Variants in HLA-E observed in about 807,000 individuals in gnomAD.
The protein encoded by HLA-E is HLA class I histocompatibility antigen, alpha chain E.
HLA-E carries 25 observed loss-of-function variants against 43.4 expected under a neutral mutation model. The ratio of observed to expected loss-of-function variants is 0.58; its 90% CI spans 0.42 to 0.80. The LOEUF is 0.80. Among genes scored for constraint, HLA-E ranks in the 30% least tolerant of loss-of-function variants. The pLI is 0.00. For missense variants in HLA-E, 343 were observed against 470.0 expected (o/e 0.73, Z 2.50); for synonymous variants, 161 against 197.6 (o/e 0.81, Z 1.55).
chr6:30,492,924 A>C lies in HLA-E; in HGVS notation c.*178A>C, dbSNP rs1796643693. Reference sequence around the variant, plus strand: ...GCACAATGTGAGGAGGTAGAGAAACAGTCCACCTCTGTGTCTACCATGACC... The same window carrying C: ...GCACAATGTGAGGAGGTAGAGAAACCGTCCACCTCTGTGTCTACCATGACC... On this transcript the variant is annotated 3_prime_UTR_variant, in exon 8 of 8. Coordinates refer to ENST00000376630, the MANE Select transcript of HLA-E (RefSeq NM_005516.6). The surrounding 1 kb of genome is among the most constrained non-coding windows in gnomAD (Gnocchi z 4.5). 2.3e-6 allele frequency: 1 copy of C among 430,162 alleles called. No homozygotes were observed. The highest frequency in any genetic ancestry group is 4.1e-6 in the Non-Finnish European group (1 of 241,284). 26.6% of individuals were successfully genotyped at this position (430,162 alleles called of 1,614,324 possible). A position where few individuals can be genotyped will look rare whatever the true frequency, so the allele number is the denominator to read the frequency against.
In HLA-E at chr6:30,492,847, A is replaced by C; in HGVS notation, c.*101A>C. On this transcript the variant is annotated 3_prime_UTR_variant, in exon 8 of 8. Coordinates refer to ENST00000376630, the MANE Select transcript of HLA-E (RefSeq NM_005516.6). This position sits in a 1 kb window ranked among gnomAD's most constrained non-coding sequence, Gnocchi z 4.5. Reference sequence around the variant, plus strand: ...ACGCCTCCCCTATGTGTCTTAGGGGACTCTGGCTTCTCTTTTTGCAAGGGC... The same window carrying C: ...ACGCCTCCCCTATGTGTCTTAGGGGCCTCTGGCTTCTCTTTTTGCAAGGGC... The C allele has an allele frequency of 1.7e-6, 1 of 590,024 alleles. No individual in the cohort carries two copies. The highest frequency in any genetic ancestry group is 3.0e-6 in the Non-Finnish European group (1 of 332,762). The allele number at this position is 590,024 out of a possible 1,614,324, so 36.5% of individuals were successfully genotyped here. A position where few individuals can be genotyped will look rare whatever the true frequency, so the allele number is the denominator to read the frequency against.
chr6:30,491,666 G>A lies in HLA-E; in HGVS notation c.1003+13G>A, dbSNP rs757421216. The A allele has an allele frequency of 1.2e-5, 20 of 1,601,598 alleles. No homozygotes were observed. The highest frequency in any genetic ancestry group is 2.6e-6 in the Non-Finnish European group (3 of 1,171,046). On this transcript the variant is annotated intron_variant, in intron 5 of 7. Coordinates refer to ENST00000376630, the MANE Select transcript of HLA-E (RefSeq NM_005516.6). This position sits in a 1 kb window ranked among gnomAD's most constrained non-coding sequence, Gnocchi z 5.4. ...AAGAAGAGCTCAGGTGGGGAAGGGA[G>A]AAGGGTGGGGTCTGAGTTTTCTTGT... is the stretch of plus-strand genomic sequence containing the variant.
chr6:30,492,725 G>A lies in HLA-E; in HGVS notation c.*3-24G>A. Reference sequence around the variant, plus strand: ...CACTTACCGTGACTGACCTGAATTTGTTCATGACTATTTTCTTCTGTAGCC... The same window carrying A: ...CACTTACCGTGACTGACCTGAATTTATTCATGACTATTTTCTTCTGTAGCC... On this transcript the variant is annotated intron_variant, in intron 7 of 7. Coordinates refer to ENST00000376630, the MANE Select transcript of HLA-E (RefSeq NM_005516.6). This position sits in a 1 kb window ranked among gnomAD's most constrained non-coding sequence, Gnocchi z 4.5. The A allele has an allele frequency of 1.2e-6, 1 of 826,022 alleles. No homozygotes were observed. Among genetic ancestry groups the A allele is most frequent in the Non-Finnish European group, 2.0e-6 (1 of 497,540 alleles). The allele number at this position is 826,022 out of a possible 1,614,324, so 51.2% of individuals were successfully genotyped here.
rs1159084904 is a variant in HLA-E, at chr6:30,491,492, T to G, written c.887-45T>G. ...TGGAGCCCTTCCGCAGGGTCAGGGC[T>G]GAGGCCTGGGGGTCAGGGCCCCTTA... is the stretch of plus-strand genomic sequence containing the variant. On this transcript the variant is annotated intron_variant, in intron 4 of 7. Transcript: ENST00000376630. The surrounding 1 kb of genome is among the most constrained non-coding windows in gnomAD (Gnocchi z 5.4). 7 of 1,611,050 alleles carry G rather than the reference T, an allele frequency of 4.3e-6. No homozygotes were observed. The South Asian group carries it at 7.7e-5, about 18-fold the overall frequency.
Position 30,490,825 on chromosome 6 carries a change from G to A in HLA-E, c.610+310G>A, listed in dbSNP as rs544432158. Among the ~76,000 whole-genome samples the A allele has an allele frequency of 2.9e-4, 44 of 152,172 alleles. No homozygotes were observed. Among genetic ancestry groups the A allele is most frequent in the African/African-American group, 7.7e-4 (32 of 41,504 alleles). ...TAGGAATCACGGGGGAGTTTCTCTCGTGCCTGATTCTCAGCCCCACACCAA... is the reference window on the plus strand; with the variant it reads ...TAGGAATCACGGGGGAGTTTCTCTCATGCCTGATTCTCAGCCCCACACCAA... On this transcript the variant is annotated intron_variant, in intron 3 of 7. Transcript: ENST00000376630. The surrounding 1 kb of genome is among the most constrained non-coding windows in gnomAD (Gnocchi z 6.6).
Position 30,492,773 on chromosome 6 carries a change from A to T in HLA-E, c.*27A>T. 1.4e-6 allele frequency: 1 copy of T among 695,258 alleles called. No homozygotes were observed. The highest frequency in any genetic ancestry group is 2.6e-6 in the Non-Finnish European group (1 of 386,826). 43.1% of individuals were successfully genotyped at this position (695,258 alleles called of 1,614,324 possible). On this transcript the variant is annotated 3_prime_UTR_variant, in exon 8 of 8. Coordinates refer to ENST00000376630, the MANE Select transcript of HLA-E (RefSeq NM_005516.6). This position sits in a 1 kb window ranked among gnomAD's most constrained non-coding sequence, Gnocchi z 4.5. Reference sequence around the variant, plus strand: ...GCCTGAGACAGCTGCCTTGTGTGCGACTGAGATGCACAGCTGCCTTGTGTG... The same window carrying T: ...GCCTGAGACAGCTGCCTTGTGTGCGTCTGAGATGCACAGCTGCCTTGTGTG...
rs1796377786 is a variant in HLA-E at position 30,489,522 on chromosome 6, G to A, written c.-10G>A. 2.6e-6 allele frequency: 4 copies of A among 1,517,236 alleles called. No individual in the cohort carries two copies. The highest frequency in any genetic ancestry group is 3.5e-6 in the Non-Finnish European group (4 of 1,133,682). The allele number at this position is 1,517,236 out of a possible 1,614,324, so 94.0% of individuals were successfully genotyped here. On this transcript the variant is annotated 5_prime_UTR_variant, in exon 1 of 8. Coordinates refer to ENST00000376630, the MANE Select transcript of HLA-E (RefSeq NM_005516.6). The surrounding 1 kb of genome is among the most constrained non-coding windows in gnomAD (Gnocchi z 5.6). The stretch of plus-strand genomic sequence containing the variant: ...ACTCAAGAAGTTCTCAGGACTCAGA[G>A]GCTGGGATCATGGTAGATGGAACCC...
chr6:30,491,562 C>T lies in HLA-E; in HGVS notation c.912C>T (p.Pro304=). ...RWKPASQPTI[P]IVGIIAGLVL... ...AGCCGGCTTCCCAGCCCACCATCCC[C>T]ATCGTGGGCATCATTGCTGGCCTGG... The change falls in exon 5 of 8, where the codon CCC becomes CCT. Residue 304 remains proline (P), a synonymous_variant. Coordinates refer to ENST00000376630, the MANE Select transcript of HLA-E (RefSeq NM_005516.6). The surrounding 1 kb of genome is among the most constrained non-coding windows in gnomAD (Gnocchi z 5.4). 6.2e-7 allele frequency: 1 copy of T among 1,613,602 alleles called. No individual in the cohort carries two copies. The highest frequency in any genetic ancestry group is 8.5e-7 in the Non-Finnish European group (1 of 1,179,978).
Position 30,489,624 on chromosome 6 carries a change from C to T in HLA-E, c.64+29C>T. 6.3e-6 allele frequency: 10 copies of T among 1,592,554 alleles called. No homozygotes were observed. Among genetic ancestry groups the T allele is most frequent in the Non-Finnish European group, 7.7e-6 (9 of 1,168,652 alleles). On this transcript the variant is annotated intron_variant, in intron 1 of 7. Coordinates refer to ENST00000376630, the MANE Select transcript of HLA-E (RefSeq NM_005516.6). This position sits in a 1 kb window ranked among gnomAD's most constrained non-coding sequence, Gnocchi z 5.6. ...AGTGCGGGGTCGGGATGGAAACGGCCTCTACCGGGAGTAGAGAGGGGCCGG... is the reference window on the plus strand; with the variant it reads ...AGTGCGGGGTCGGGATGGAAACGGCTTCTACCGGGAGTAGAGAGGGGCCGG...
Position 30,490,469 on chromosome 6 carries a change from G to T in HLA-E, c.564G>T (p.Trp188Cys). ...ACCTGGAAGACACATGCGTGGAGTGGCTCCACAAATACCTGGAGAAGGGGA... is the reference window on the plus strand; with the variant it reads ...ACCTGGAAGACACATGCGTGGAGTGTCTCCACAAATACCTGGAGAAGGGGA... The part of the protein sequence containing the change: ...RAYLEDTCVE[W>C]LHKYLEKGKE... Residue 188 changes from tryptophan (W) to cysteine (C), a missense_variant, in exon 3 of 8, where the codon TGG becomes TGT. Around this residue, in one of 3 missense-constraint regions of HLA-E, gnomAD observed 190 missense variants for 283.6 expected, o/e 0.67. Transcript: ENST00000376630. This position sits in a 1 kb window ranked among gnomAD's most constrained non-coding sequence, Gnocchi z 6.6. 4 of 1,613,026 alleles carry T rather than the reference G, an allele frequency of 2.5e-6. No homozygotes were observed. In the South Asian group the frequency reaches 3.3e-5, roughly 13 times the overall value.
rs1796440086 is a variant in HLA-E, at chr6:30,490,141, C to T, written c.335-99C>T. ...CTAGACCGGGGAGAGTCTCAGGCGC[C>T]TTTACCCGGTTCTTTTTCAGTTTAG... is the stretch of plus-strand genomic sequence containing the variant. On this transcript the variant is annotated intron_variant, in intron 2 of 7. Transcript: ENST00000376630. The surrounding 1 kb of genome is among the most constrained non-coding windows in gnomAD (Gnocchi z 6.6). 2 of 1,511,876 alleles carry T rather than the reference C, an allele frequency of 1.3e-6. No individual in the cohort carries two copies. Among genetic ancestry groups the T allele is most frequent in the Non-Finnish European group, 1.8e-6 (2 of 1,119,186 alleles). 93.7% of individuals were successfully genotyped at this position (1,511,876 alleles called of 1,614,324 possible). A position where few individuals can be genotyped will look rare whatever the true frequency, so the allele number is the denominator to read the frequency against.
chr6:30,492,664 AT>A lies in HLA-E; in HGVS notation c.*3-80del, dbSNP rs1217800219. 2.3e-5 allele frequency: 33 copies of A among 1,404,836 alleles called. No individual in the cohort carries two copies. The highest frequency in any genetic ancestry group is 3.2e-5 in the Non-Finnish European group (32 of 1,007,112). 87.0% of individuals were successfully genotyped at this position (1,404,836 alleles called of 1,614,324 possible). A position where few individuals can be genotyped will look rare whatever the true frequency, so the allele number is the denominator to read the frequency against. On this transcript the variant is annotated intron_variant, in intron 7 of 7. Coordinates refer to ENST00000376630, the MANE Select transcript of HLA-E (RefSeq NM_005516.6). The surrounding 1 kb of genome is among the most constrained non-coding windows in gnomAD (Gnocchi z 4.5). ...GGTTGTGGGGATTTTTTGATTCAGA[AT>A]TTTTGAGTGTGTGGTGGGCTGTTCA...
rs945076944 is a variant in HLA-E at position 30,489,979 on chromosome 6, C to A, written c.318C>A (p.Tyr106Ter). Residue 106 changes from tyrosine to a stop codon, truncating the protein, a stop_gained, in exon 2 of 8, where the codon TAC becomes TAA. Transcript: ENST00000376630. LOFTEE classifies it high-confidence loss of function. This position sits in a 1 kb window ranked among gnomAD's most constrained non-coding sequence, Gnocchi z 5.6. ...RVNLRTLRGY[Y>*]NQSEAGSHTL... ...ATCTGCGGACGCTGCGCGGCTACTA[C>A]AATCAGAGCGAGGCCGGTGAGTGAC... is the stretch of plus-strand genomic sequence containing the variant. 1 of 1,609,240 alleles carries A rather than the reference C, an allele frequency of 6.2e-7. No individual in the cohort carries two copies. The highest frequency in any genetic ancestry group is 8.5e-7 in the Non-Finnish European group (1 of 1,177,684).
In HLA-E at chr6:30,489,967, G is replaced by A; in HGVS notation, c.306G>A (p.Leu102=). The change falls in exon 2 of 8, where the codon CTG becomes CTA. Residue 102 remains leucine (L), a synonymous_variant. Transcript: ENST00000376630. The surrounding 1 kb of genome is among the most constrained non-coding windows in gnomAD (Gnocchi z 5.6). ...AQIFRVNLRT[L]RGYYNQSEAG... ...TTTTCCGAGTGAATCTGCGGACGCT[G>A]CGCGGCTACTACAATCAGAGCGAGG... 1 of 1,610,518 alleles carries A rather than the reference G, an allele frequency of 6.2e-7. No homozygotes were observed.
Position 30,492,592 on chromosome 6 carries a change from C to G in HLA-E, c.*2+9C>G. The G allele has an allele frequency of 6.2e-7, 1 of 1,613,694 alleles. No individual in the cohort carries two copies. Among genetic ancestry groups the G allele is most frequent in the Non-Finnish European group, 8.5e-7 (1 of 1,179,848 alleles). Reference sequence around the variant, plus strand: ...TCTCACAGCTTGTAAAGGTGAGATTCTGGGGGTCTGAAGTGGGTGGAGGGT... The same window carrying G: ...TCTCACAGCTTGTAAAGGTGAGATTGTGGGGGTCTGAAGTGGGTGGAGGGT... On this transcript the variant is annotated intron_variant, in intron 7 of 7. Coordinates refer to ENST00000376630, the MANE Select transcript of HLA-E (RefSeq NM_005516.6). The surrounding 1 kb of genome is among the most constrained non-coding windows in gnomAD (Gnocchi z 4.5).
In HLA-E at chr6:30,490,587, C is replaced by G. The variant is rs1208438877; in HGVS notation, c.610+72C>G. ...GACTGTGCCCACAGCTGACAGACCT[C>G]AAACAGTAGAAGAAACAGGGATGGA... On this transcript the variant is annotated intron_variant, in intron 3 of 7. Coordinates refer to ENST00000376630, the MANE Select transcript of HLA-E (RefSeq NM_005516.6). The surrounding 1 kb of genome is among the most constrained non-coding windows in gnomAD (Gnocchi z 6.6). 4 of 1,440,922 alleles carry G rather than the reference C, an allele frequency of 2.8e-6. No individual in the cohort carries two copies. The highest frequency in any genetic ancestry group is 2.8e-6 in the Non-Finnish European group (3 of 1,055,998). The allele number at this position is 1,440,922 out of a possible 1,614,324, so 89.3% of individuals were successfully genotyped here.
chr6:30,490,365 T>C lies in HLA-E; in HGVS notation c.460T>C (p.Trp154Arg). The part of the protein sequence containing the change: ...YLTLNEDLRS[W>R]TAVDTAAQIS... ...CACCCTGAATGAGGACCTGCGCTCC[T>C]GGACCGCGGTGGACACGGCGGCTCA... Residue 154 changes from tryptophan to arginine, a missense_variant, in exon 3 of 8, where the codon TGG (tryptophan) becomes CGG (arginine). By Grantham distance (101) the Trp-to-Arg change is moderately radical. Coordinates refer to ENST00000376630, the MANE Select transcript of HLA-E (RefSeq NM_005516.6). This position sits in a 1 kb window ranked among gnomAD's most constrained non-coding sequence, Gnocchi z 6.6. 1 of 1,613,070 alleles carries C rather than the reference T, an allele frequency of 6.2e-7. No homozygotes were observed. Among genetic ancestry groups the C allele is most frequent in the Non-Finnish European group, 8.5e-7 (1 of 1,180,016 alleles).
Position 30,490,077 on chromosome 6 carries a change from T to C in HLA-E, c.334+82T>C. The C allele has an allele frequency of 1.3e-6, 2 of 1,514,764 alleles. No individual in the cohort carries two copies. The highest frequency in any genetic ancestry group is 1.8e-6 in the Non-Finnish European group (2 of 1,113,304). 93.8% of individuals were successfully genotyped at this position (1,514,764 alleles called of 1,614,324 possible). ...GCGCGGGTCCCCTCGAATCTTCGGG[T>C]CCCAGATTCACCCCAAGGCTGCGGA... On this transcript the variant is annotated intron_variant, in intron 2 of 7. Coordinates refer to ENST00000376630, the MANE Select transcript of HLA-E (RefSeq NM_005516.6). The surrounding 1 kb of genome is among the most constrained non-coding windows in gnomAD (Gnocchi z 6.6).
In HLA-E at chr6:30,492,419, G is replaced by A. The variant is rs1796605529; in HGVS notation, c.1019G>A (p.Ser340Asn). 1 of 1,614,102 alleles carries A rather than the reference G, an allele frequency of 6.2e-7. No homozygotes were observed. Among genetic ancestry groups the A allele is most frequent in the Non-Finnish European group, 8.5e-7 (1 of 1,180,044 alleles). ...RKKSSGGKGG[S>N]YSKAEWSDSA... ...CTTCCAACAGGTGGAAAAGGAGGGA[G>A]CTACTCTAAGGCTGAGTGTAAGTGC... The change falls in exon 6 of 8, where the codon AGC (serine) becomes AAC (asparagine). Residue 340 changes from serine (S) to asparagine (N), a missense_variant. Physicochemically the swap from Ser to Asn is conservative, Grantham distance 46. Transcript: ENST00000376630. This position sits in a 1 kb window ranked among gnomAD's most constrained non-coding sequence, Gnocchi z 4.5.
Sources: allele counts gnomAD v4.1 joint callset (sites outside exome capture counted in the v4.1 genomes callset), GRCh38; gene constraint gnomAD v4.1.1; regional missense constraint gnomAD v4.1.1; non-coding constraint Gnocchi (gnomAD v3.1); transcripts MANE v1.5; gene names NCBI Gene and HGNC (gene_info 2026-07-23, HGNC 2026-07-21).